ATP6V0A1: variants seen among roughly 807,000 people sequenced by gnomAD.
ATP6V0A1 encodes ATPase H+ transporting V0 subunit a1.
In ATP6V0A1, 43 loss-of-function variants were observed where a neutral mutation model predicts 105.4. The observed-to-expected ratio is 0.41, with a 90% confidence interval of 0.32 to 0.53. ATP6V0A1 has a LOEUF of 0.53. Among genes scored for constraint, ATP6V0A1 ranks in the 20% least tolerant of loss-of-function variants. ATP6V0A1 has a pLI of 0.30. For synonymous variants in ATP6V0A1, 362 were observed against 372.8 expected (o/e 0.97, Z 0.33); for missense variants, 676 against 1,051.1 (o/e 0.64, Z 4.93).
Position 42,498,909 on chromosome 17 carries a change from C to T in ATP6V0A1, c.1561-15C>T. On this transcript the variant is annotated splice_polypyrimidine_tract_variant and intron_variant, in intron 14 of 21. Coordinates refer to ENST00000343619, the MANE Select transcript of ATP6V0A1 (RefSeq NM_001130021.3). Reference sequence around the variant, plus strand: ...ATTCTTTATAATACCTATTTGTTTTCTCGGGTTATGACAGATTTGGAACAT... The same window carrying T: ...ATTCTTTATAATACCTATTTGTTTTTTCGGGTTATGACAGATTTGGAACAT... 2 of 1,541,606 alleles carry T rather than the reference C, an allele frequency of 1.3e-6. No homozygotes were observed. The highest frequency in any genetic ancestry group is 1.8e-6 in the Non-Finnish European group (2 of 1,119,922).
intron 5 of ATP6V0A1, among the ~76,000 whole-genome samples, chr17:42,474,565 A>G (rs556507554): frequency 1.1e-4 from 17 of 152,324 alleles, no homozygotes; most frequent in African/African-American, 3.8e-4. Context: ...TGTCACTGCC[A>G]CAACTTTGCA....
intron 21 of ATP6V0A1, chr17:42,520,582 C>T (rs1271778019): frequency 8.8e-6 from 4 of 457,044 alleles, no homozygotes; most frequent in South Asian, 3.1e-5. Context: ...ACTCCAAGCT[C>T]GCCCTTTTGC....
intron 11 of ATP6V0A1, among the ~76,000 whole-genome samples, chr17:42,493,305 A>C (rs1244127976): frequency 6.6e-6 from 1 of 152,190 alleles, no homozygotes; most frequent in Non-Finnish European, 1.5e-5. Context: ...GCCCTATGGA[A>C]GAACTGCTTT....
chr17:42,497,535 G>T (rs1032947770), intron 14 of ATP6V0A1, among the ~76,000 whole-genome samples: 29 of 151,432 alleles, frequency 1.9e-4, no homozygotes, highest in African/African-American at 7.0e-4. Flanking sequence ...TTAGCCAGGC[G>T]TGGTGGCGAG....
At chr17:42,461,539 C>T (rs2086400523) in intron 2 of ATP6V0A1, among the ~76,000 whole-genome samples, 2 of 152,140 alleles carry the variant, frequency 1.3e-5, no homozygotes, top group Non-Finnish European at 1.5e-5. Flanking sequence ...CTTTGGGAGG[C>T]TGAGGCGGGC....
chr17:42,466,574 G>C, intron 3 of ATP6V0A1, 67 bp downstream of exon 3: 1 of 1,368,158 alleles, frequency 7.3e-7, no homozygotes, highest in South Asian at 1.2e-5. Context: ...AGTGACATTA[G>C]TCCTCTTAAT....
At chr17:42,484,508 G>A (rs1023905106) in intron 9 of ATP6V0A1, among the ~76,000 whole-genome samples, 2 of 152,104 alleles carry the variant, frequency 1.3e-5, no homozygotes, top group African/African-American at 2.4e-5. Flanking sequence ...GCATCCTTGC[G>A]GTCACCTTTG....
chr17:42,520,845 C>T (rs555403933), intron 21 of ATP6V0A1, 182 bp from the exon 22 acceptor site: 74 of 621,504 alleles, frequency 1.2e-4, no homozygotes, highest in African/African-American at 1.2e-3. Flanking sequence ...CTCCGTGCGT[C>T]GAACTCTTGA....
At chr17:42,510,440 A>T (rs1288588132) in intron 19 of ATP6V0A1, 1 of 152,326 alleles carries the variant, frequency 6.6e-6, no homozygotes, top group Non-Finnish European at 1.5e-5. Flanking sequence ...GTGGAAGAGG[A>T]GACCCTGGAA....
chr17:42,503,311 G>A (rs1298034288), intron 17 of ATP6V0A1, among the ~76,000 whole-genome samples: 1 of 152,160 alleles, frequency 6.6e-6, no homozygotes, highest in Non-Finnish European at 1.5e-5. Context: ...TTGGACATTT[G>A]ATCTTTTTTA....
chr17:42,463,475 A>G (rs1309309390), intron 2 of ATP6V0A1, among the ~76,000 whole-genome samples: 1 of 151,890 alleles, frequency 6.6e-6, no homozygotes, highest in Non-Finnish European at 1.5e-5. Flanking sequence ...GACTTCTTTC[A>G]CTCAGCCTCT....
intron 12 of ATP6V0A1, chr17:42,494,739 C>A: frequency 2.1e-6 from 1 of 468,794 alleles, no homozygotes; most frequent in Non-Finnish European, 3.7e-6. Context: ...GAGACCCCAT[C>A]TCTAAAAAAA....
chr17:42,514,704 G>C (rs1326495742), intron 21 of ATP6V0A1, among the ~76,000 whole-genome samples: 2 of 152,150 alleles, frequency 1.3e-5, no homozygotes, highest in African/African-American at 4.8e-5. Flanking sequence ...AGTGGTGTCA[G>C]GTCCCGCTCC....
At chr17:42,515,179 C>T (rs1161855575) in intron 21 of ATP6V0A1, among the ~76,000 whole-genome samples, 2 of 152,018 alleles carry the variant, frequency 1.3e-5, no homozygotes, top group Non-Finnish European at 2.9e-5. Flanking sequence ...CATAAAAGTA[C>T]AGTTTGGCTG....
intron 2 of ATP6V0A1, 118 bp from the exon 3 acceptor site, chr17:42,466,311 A>G: frequency 1.4e-6 from 1 of 729,960 alleles, no homozygotes; most frequent in South Asian, 1.9e-5. Context: ...AGTTTTGATT[A>G]GTGTTGCATC....
intron 17 of ATP6V0A1, 63 bp downstream of exon 17, chr17:42,501,367 C>T: frequency 8.6e-7 from 1 of 1,158,040 alleles, no homozygotes; most frequent in Non-Finnish European, 1.3e-6. Context: ...CAAGGCAATT[C>T]CCCAGTGGAT....
At position 42,480,655 on chromosome 17, in the gene ATP6V0A1, T is replaced by C. The variant is rs1279219620; in HGVS notation, c.634-12T>C. ...GAAGTCTGAACTCTTGTTTTTTTAT[T>C]CTGGGGCCTAGGGCGACTACGTGCA... On this transcript the variant is annotated splice_polypyrimidine_tract_variant and intron_variant, in intron 7 of 21. Coordinates refer to ENST00000343619, the MANE Select transcript of ATP6V0A1 (RefSeq NM_001130021.3). 1 of 1,599,468 alleles carries C rather than the reference T, an allele frequency of 6.3e-7. No individual in the cohort carries two copies. Among genetic ancestry groups the C allele is most frequent in the Non-Finnish European group, 8.5e-7 (1 of 1,175,502 alleles).
chr17:42,480,880 G>A, intron 8 of ATP6V0A1, 131 bp downstream of exon 8: 4 of 744,114 alleles, frequency 5.4e-6, no homozygotes, highest in Non-Finnish European at 6.2e-6. Context: ...AATGTTAGGG[G>A]CTATTTTAAT....
chr17:42,470,792 C>T (rs935558466), intron 5 of ATP6V0A1: 1 of 153,670 alleles, frequency 6.5e-6, no homozygotes, highest in Admixed American at 6.5e-5. Context: ...GACGCATTAC[C>T]TCAGAGGGAA....
Sources: gnomAD v4.1 joint callset for allele counts (sites outside exome capture counted in the v4.1 genomes callset) on GRCh38, gnomAD v4.1.1 for gene constraint, MANE v1.5 for transcripts, NCBI Gene and HGNC (gene_info 2026-07-23, HGNC 2026-07-21) for gene names.